FAM168A: variants seen among roughly 807,000 people sequenced by gnomAD.
The protein encoded by FAM168A is family with sequence similarity 168 member A.
A neutral mutation model predicts 28.5 loss-of-function variants in FAM168A; 3 were observed. That is an observed-to-expected ratio of 0.11 (90% CI 0.05 to 0.27). The LOEUF (loss-of-function observed/expected upper bound fraction) is 0.27. Among genes scored for constraint, FAM168A ranks in the 10% least tolerant of loss-of-function variants. The pLI is 1.00. For synonymous variants in FAM168A, 122 were observed against 124.2 expected (o/e 0.98, Z 0.12); for missense variants, 222 against 311.5 (o/e 0.71, Z 2.16).
chr11:73,559,690 A>G (rs1352362134), intron 1 of FAM168A, among the ~76,000 whole-genome samples: 1 of 152,212 alleles, frequency 6.6e-6, no homozygotes, highest in African/African-American at 2.4e-5. Context: ...AGGGTGATCA[A>G]TGTTTTGGAA....
intron 1 of FAM168A, among the ~76,000 whole-genome samples, chr11:73,526,896 G>T (rs1305296415): frequency 2.1e-5 from 3 of 144,046 alleles, no homozygotes; most frequent in Middle Eastern, 7.2e-3. Flanking sequence ...AAAAAAAACG[G>T]AGAGAAATGA....
intron 2 of FAM168A, among the ~76,000 whole-genome samples, chr11:73,459,433 C>A (rs1309193622): frequency 6.6e-6 from 1 of 150,562 alleles, no homozygotes; most frequent in Non-Finnish European, 1.5e-5. Flanking sequence ...TTGCAGTGAG[C>A]CGAGATTGCA....
At chr11:73,450,038 T>C (rs936027014) in intron 2 of FAM168A, among the ~76,000 whole-genome samples, 2 of 152,210 alleles carry the variant, frequency 1.3e-5, no homozygotes, top group Non-Finnish European at 2.9e-5. Context: ...TAAAGCCAAT[T>C]TTAGGGGCCA....
chr11:73,562,312 CACTT>C (rs1306533224), intron 1 of FAM168A, among the ~76,000 whole-genome samples: 12 of 152,346 alleles, frequency 7.9e-5, no homozygotes, highest in African/African-American at 1.9e-4. Flanking sequence ...AGGATAGTAA[CACTT>C]ACGCTGAAAG....
intron 2 of FAM168A, among the ~76,000 whole-genome samples, chr11:73,455,307 C>T (rs1867510132): frequency 6.6e-6 from 1 of 152,208 alleles, no homozygotes; most frequent in Non-Finnish European, 1.5e-5. Context: ...TGCTCTAGTT[C>T]CTGCACTGGT....
At chr11:73,513,192 G>A (rs373654740) in intron 1 of FAM168A, among the ~76,000 whole-genome samples, 3 of 113,638 alleles carry the variant, frequency 2.6e-5, no homozygotes, top group Non-Finnish European at 5.7e-5. Flanking sequence ...TCAAAGTTTT[G>A]TTTTTTTTTT....
intron 1 of FAM168A, among the ~76,000 whole-genome samples, chr11:73,495,974 C>G (rs1365536543): frequency 6.6e-6 from 1 of 152,152 alleles, no homozygotes; most frequent in African/African-American, 2.4e-5. Context: ...TTTGCACACC[C>G]ATGTTCATTG....
At chr11:73,578,643 A>G (rs1944204786) in intron 1 of FAM168A, among the ~76,000 whole-genome samples, 1 of 152,246 alleles carries the variant, frequency 6.6e-6, no homozygotes, top group South Asian at 2.1e-4. Flanking sequence ...TTAGTAAAAC[A>G]TCACTGAAAG....
At position 73,442,469 on chromosome 11, in the gene FAM168A, A is replaced by G. The variant is rs185880748; in HGVS notation, c.71-11699T>C. Among the ~76,000 whole-genome samples the G allele has an allele frequency of 7.1e-4, 108 of 152,068 alleles. 5 individuals carry two copies. The East Asian group carries it at 0.018, about 26-fold the overall frequency. On this transcript the variant is annotated intron_variant, in intron 2 of 7. Transcript: ENST00000356467. ...GCACTTACAGCTATAAATTTCCCAG[A>G]CATTTTGGTATGTTATGTTTCATTC...
At chr11:73,558,072 T>C (rs189852086) in intron 1 of FAM168A, among the ~76,000 whole-genome samples, 24 of 152,288 alleles carry the variant, frequency 1.6e-4, no homozygotes, top group Admixed American at 1.5e-3. Flanking sequence ...TAAATCTTCA[T>C]GACCTTGGAT....
chr11:73,424,685 G>A (rs997909353), intron 3 of FAM168A, among the ~76,000 whole-genome samples: 7 of 152,196 alleles, frequency 4.6e-5, no homozygotes, highest in Non-Finnish European at 1.0e-4. Flanking sequence ...CTCCTTCACA[G>A]AGGCTACCAC....
At chr11:73,548,338 C>T (rs945328976) in intron 1 of FAM168A, among the ~76,000 whole-genome samples, 1 of 151,894 alleles carries the variant, frequency 6.6e-6, no homozygotes, top group Non-Finnish European at 1.5e-5. Flanking sequence ...TAACATTTTA[C>T]TGAGTGCTTA....
At chr11:73,595,017 A>T (rs1376187296) in intron 1 of FAM168A, among the ~76,000 whole-genome samples, 1 of 152,172 alleles carries the variant, frequency 6.6e-6, no homozygotes, top group Non-Finnish European at 1.5e-5. Flanking sequence ...AAAGATACAA[A>T]AACACATTAC....
intron 1 of FAM168A, among the ~76,000 whole-genome samples, chr11:73,519,359 C>T (rs962648571): frequency 6.6e-6 from 1 of 152,162 alleles, no homozygotes; most frequent in African/African-American, 2.4e-5. Context: ...TACCATGTGT[C>T]AGGCCCCAGA....
chr11:73,473,975 A>G (rs1260117982), intron 1 of FAM168A, among the ~76,000 whole-genome samples: 1 of 151,740 alleles, frequency 6.6e-6, no homozygotes, highest in Admixed American at 6.6e-5. Flanking sequence ...ACACCCAACT[A>G]ATTTTTGTAT....
At chr11:73,487,634 C>T (rs1346893784) in intron 1 of FAM168A, among the ~76,000 whole-genome samples, 1 of 152,108 alleles carries the variant, frequency 6.6e-6, no homozygotes, top group Non-Finnish European at 1.5e-5. Flanking sequence ...CTGATCTCTC[C>T]TCCACTGATC....
rs1221362030 is a variant in FAM168A, at chr11:73,411,281, CA to C, written c.420+112del. ...CAGTGATACAACAAGGACGGCTAGC[CA>C]GAGCCACAAACCATCCTCTCCTTCC... On this transcript the variant is annotated intron_variant, in intron 5 of 7. Transcript: ENST00000356467. 2.4e-6 allele frequency: 3 copies of C among 1,239,742 alleles called. No individual in the cohort carries two copies. In the African/African-American group the frequency reaches 4.6e-5, roughly 19 times the overall value. 76.8% of individuals were successfully genotyped at this position (1,239,742 alleles called of 1,614,324 possible). A position where few individuals can be genotyped will look rare whatever the true frequency, so the allele number is the denominator to read the frequency against.
At chr11:73,569,041 C>A (rs1336769543) in intron 1 of FAM168A, among the ~76,000 whole-genome samples, 1 of 152,090 alleles carries the variant, frequency 6.6e-6, no homozygotes, top group Non-Finnish European at 1.5e-5. Context: ...TTCGGTGTTA[C>A]AAAATGCTTA....
chr11:73,464,075 C>G (rs901383897), intron 2 of FAM168A, among the ~76,000 whole-genome samples: 53 of 152,072 alleles, frequency 3.5e-4, no homozygotes, highest in African/African-American at 1.2e-3. Flanking sequence ...ATGCTAGAGC[C>G]CTAAAAGCAC....
Sources: gnomAD v4.1 joint callset for allele counts (sites outside exome capture counted in the v4.1 genomes callset) on GRCh38, gnomAD v4.1.1 for gene constraint, MANE v1.5 for transcripts, NCBI Gene and HGNC (gene_info 2026-07-23, HGNC 2026-07-21) for gene names.